Variants in CA10 observed in about 807,000 individuals in gnomAD.
CA10 encodes the protein carbonic anhydrase 10 (inactive), also known as carbonic anhydrase-related protein 10.
Under a neutral mutation model 44.2 loss-of-function variants are expected in CA10, and 14 were observed. The ratio of observed to expected loss-of-function variants is 0.32; its 90% CI spans 0.21 to 0.50. The LOEUF is 0.50. Ranked by LOEUF, CA10 falls within the 20% of genes least tolerant of loss-of-function variation. The pLI is 0.99. For missense variants in CA10, 350 were observed against 409.7 expected, an observed-to-expected ratio of 0.85 and a Z score of 1.26; for synonymous variants, 159 against 141.6, an observed-to-expected ratio of 1.12 and a Z score of -0.87.
chr17:51,640,994 A>G (rs532591300), intron 6 of CA10, among the ~76,000 whole-genome samples: 1 of 152,146 alleles, frequency 6.6e-6, no homozygotes, highest in South Asian at 2.1e-4. Context: ...TTTGGGGTGA[A>G]GCTCAGAGGC....
chr17:51,739,969 G>T (rs188464599), intron 4 of CA10, among the ~76,000 whole-genome samples: 98 of 152,028 alleles, frequency 6.4e-4, no homozygotes, highest in Non-Finnish European at 9.7e-4. Flanking sequence ...GTTCTCAATT[G>T]TTCCATTATT....
At chr17:51,950,650 G>C (rs534153928) in intron 2 of CA10, among the ~76,000 whole-genome samples, 2 of 152,228 alleles carry the variant, frequency 1.3e-5, no homozygotes, top group Admixed American at 1.3e-4. Flanking sequence ...GAAGGCCCTA[G>C]ACGACTTCAC....
chr17:51,965,457 T>C (rs556443603), intron 2 of CA10, among the ~76,000 whole-genome samples: 11 of 151,554 alleles, frequency 7.3e-5, no homozygotes, highest in Admixed American at 7.2e-4. Flanking sequence ...CAAAAATCCT[T>C]AACAAAATAC....
chr17:52,067,817 G>C (rs1286862393), intron 2 of CA10, among the ~76,000 whole-genome samples: 1 of 152,236 alleles, frequency 6.6e-6, no homozygotes, highest in Non-Finnish European at 1.5e-5. Flanking sequence ...CATGGGGCTT[G>C]TAGCCCATTT....
At position 51,848,176 on chromosome 17, in the gene CA10, ACAGGATCCAGCTCTT is replaced by A. The variant is rs373089254; in HGVS notation, c.279+82799_279+82813del. 2.8e-3 allele frequency among the ~76,000 whole-genome samples: 420 copies of A among 152,306 alleles called. 1 individual carries two copies. Among genetic ancestry groups the A allele is most frequent in the African/African-American group, 9.4e-3 (390 of 41,574 alleles). On this transcript the variant is annotated intron_variant, in intron 3 of 8. Transcript: ENST00000451037. ...GAAAAAATAAAAATTTTAAACAGAGACAGGATCCAGCTCTTCATTTGGTTGATGCATCTCATTGAC... is the reference window on the plus strand; with the variant it reads ...GAAAAAATAAAAATTTTAAACAGAGACATTTGGTTGATGCATCTCATTGAC...
At chr17:51,644,958 CA>C (rs1256821337) in intron 6 of CA10, among the ~76,000 whole-genome samples, 1 of 151,988 alleles carries the variant, frequency 6.6e-6, no homozygotes, top group Non-Finnish European at 1.5e-5. Context: ...GCCACAATCC[CA>C]GCTAATTTTT....
intron 2 of CA10, among the ~76,000 whole-genome samples, chr17:52,030,106 C>T (rs1237140272): frequency 6.6e-6 from 1 of 152,198 alleles, no homozygotes; most frequent in African/African-American, 2.4e-5. Context: ...GTAGCAAAGG[C>T]TTCTGTCCAG....
rs150388368 is a variant in CA10 at position 51,823,437 on chromosome 17, G to A, written c.280-75619C>T. On this transcript the variant is annotated intron_variant, in intron 3 of 8. Coordinates refer to ENST00000451037, the MANE Select transcript of CA10 (RefSeq NM_020178.5). ...TTGGAAAGGAATCATGTTCACTTTG[G>A]ATACCAACTGCCAAGGGGCTGCTTT... Among the ~76,000 whole-genome samples, 6 of 152,312 alleles carry A rather than the reference G, an allele frequency of 3.9e-5. No homozygotes were observed. The East Asian group carries it at 9.6e-4, about 24-fold the overall frequency.
chr17:52,004,834 C>T (rs1168470602), intron 2 of CA10, among the ~76,000 whole-genome samples: 1 of 151,828 alleles, frequency 6.6e-6, no homozygotes, highest in African/African-American at 2.4e-5. Flanking sequence ...ATCCCATCCT[C>T]TAATGCAAAA....
At chr17:52,010,596 T>C (rs1001622166) in intron 2 of CA10, among the ~76,000 whole-genome samples, 2 of 151,688 alleles carry the variant, frequency 1.3e-5, no homozygotes, top group East Asian at 2.0e-4. Context: ...GCATAGAAGA[T>C]ACATTGGACT....
At chr17:52,055,413 T>C (rs987239566) in intron 2 of CA10, among the ~76,000 whole-genome samples, 1 of 149,292 alleles carries the variant, frequency 6.7e-6, no homozygotes, top group Non-Finnish European at 1.5e-5. Flanking sequence ...TGAATTTAAA[T>C]ATATACCACA....
chr17:51,969,747 G>T (rs984566264), intron 2 of CA10, among the ~76,000 whole-genome samples: 14 of 151,806 alleles, frequency 9.2e-5, no homozygotes, highest in African/African-American at 3.1e-4. Flanking sequence ...TTTTATAAAA[G>T]AAATAAACCA....
intron 6 of CA10, among the ~76,000 whole-genome samples, chr17:51,641,522 T>A (rs1031787763): frequency 6.6e-6 from 1 of 152,240 alleles, no homozygotes; most frequent in African/African-American, 2.4e-5. Context: ...GGAGGACCCC[T>A]TGGATCTTGA....
chr17:51,686,769 C>T (rs1439738718), intron 4 of CA10, among the ~76,000 whole-genome samples: 1 of 152,116 alleles, frequency 6.6e-6, no homozygotes, highest in Admixed American at 6.6e-5. Flanking sequence ...ACTTGATCAT[C>T]TCACACTTGA....
At chr17:52,147,097 T>C (rs377274430) in intron 1 of CA10, among the ~76,000 whole-genome samples, 10 of 152,264 alleles carry the variant, frequency 6.6e-5, no homozygotes, top group African/African-American at 2.4e-4. Context: ...GGAAGCAACA[T>C]GGAGAAATAT....
In CA10 at chr17:51,726,582, T is replaced by A. The variant is rs146379708; in HGVS notation, c.465+21051A>T. Among the ~76,000 whole-genome samples the A allele has an allele frequency of 8.5e-3, 1,298 of 152,292 alleles. 12 individuals carry two copies. The highest frequency in any genetic ancestry group is 0.013 in the Non-Finnish European group (883 of 68,020). ...ACATTTTAAATTTGCCAGTTGAAAA[T>A]TTTTAAAATATATATAAAAAAATCT... On this transcript the variant is annotated intron_variant, in intron 4 of 8. Coordinates refer to ENST00000451037, the MANE Select transcript of CA10 (RefSeq NM_020178.5).
At chr17:51,784,101 A>G (rs1168597474) in intron 3 of CA10, among the ~76,000 whole-genome samples, 1 of 152,076 alleles carries the variant, frequency 6.6e-6, no homozygotes, top group Non-Finnish European at 1.5e-5. Flanking sequence ...CTAGGGGTTA[A>G]ATATTATTAT....
intron 2 of CA10, among the ~76,000 whole-genome samples, chr17:51,977,234 A>T (rs1286585684): frequency 1.3e-5 from 2 of 151,838 alleles, no homozygotes; most frequent in Admixed American, 6.6e-5. Flanking sequence ...GGGGAAAAAA[A>T]CCCCTCAAAA....
At chr17:52,006,442 A>C (rs371299277) in intron 2 of CA10, among the ~76,000 whole-genome samples, 1 of 151,904 alleles carries the variant, frequency 6.6e-6, no homozygotes, top group Admixed American at 6.6e-5. Flanking sequence ...AACACTTACC[A>C]TTCTTTCAAC....
Sources: gnomAD v4.1 joint callset for allele counts (sites outside exome capture counted in the v4.1 genomes callset) on GRCh38, gnomAD v4.1.1 for gene constraint, MANE v1.5 for transcripts, NCBI Gene and HGNC (gene_info 2026-07-23, HGNC 2026-07-21) for gene names.